Variants in PCDHAC1 observed in about 807,000 individuals in gnomAD.
PCDHAC1 encodes the protein protocadherin alpha-C1.
Under a neutral mutation model 60.0 loss-of-function variants are expected in PCDHAC1, and 42 were observed. The ratio of observed to expected loss-of-function variants is 0.70; its 90% CI spans 0.55 to 0.90. PCDHAC1 has a LOEUF of 0.90. Among genes scored for constraint, PCDHAC1 ranks in the 40% least tolerant of loss-of-function variants. PCDHAC1 has a pLI of 0.00. For synonymous variants in PCDHAC1, 468 were observed against 499.3 expected, an observed-to-expected ratio of 0.94 and a Z score of 0.84; for missense variants, 1,160 against 1,222.3, an observed-to-expected ratio of 0.95 and a Z score of 0.76.
chr5:140,959,471 C>T (rs910729465), intron 1 of PCDHAC1, among the ~76,000 whole-genome samples: 3 of 151,970 alleles, frequency 2.0e-5, no homozygotes, highest in African/African-American at 7.3e-5. Context: ...TGGCATCAAT[C>T]AAGGCATATT....
At chr5:140,949,336 A>G (rs1585327315) in intron 1 of PCDHAC1, among the ~76,000 whole-genome samples, 1 of 151,920 alleles carries the variant, frequency 6.6e-6, no homozygotes, top group South Asian at 2.1e-4. Context: ...ATTGTTATCC[A>G]GATTTTCTGT....
rs781970359 is a variant in PCDHAC1, at chr5:140,928,592, T to G, written c.1700T>G (p.Val567Gly). The change falls in exon 1 of 4, where the codon GTG (valine) becomes GGG (glycine). Residue 567 changes from valine (V) to glycine (G), a missense_variant. This residue lies in a region of PCDHAC1 where 1,113 missense variants were observed against 1,163.7 expected (regional missense o/e 0.96). Transcript: ENST00000253807. The stretch of plus-strand genomic sequence containing the variant: ...TTGCCCAGAAATGGTTCTGTCCCAG[T>G]GGAAATTGTGCCCCGCTCTGCCAGG... ...FPLPRNGSVP[V>G]EIVPRSARTG... The G allele has an allele frequency of 6.2e-7, 1 of 1,614,178 alleles. No individual in the cohort carries two copies. The highest frequency in any genetic ancestry group is 8.5e-7 in the Non-Finnish European group (1 of 1,180,010).
At chr5:140,960,508 A>C (rs1026528724) in intron 1 of PCDHAC1, among the ~76,000 whole-genome samples, 10 of 152,190 alleles carry the variant, frequency 6.6e-5, no homozygotes, top group Non-Finnish European at 1.3e-4. Context: ...TCCAAGCAGC[A>C]AACATAATGG....
intron 1 of PCDHAC1, among the ~76,000 whole-genome samples, chr5:140,964,836 T>G (rs1306843318): frequency 1.3e-5 from 2 of 152,148 alleles, no homozygotes; most frequent in African/African-American, 4.8e-5. Flanking sequence ...AATTGCTTCC[T>G]ACTCTGTACC....
rs538677309 is a variant in PCDHAC1, at chr5:140,927,177, G to T, written c.285G>T (p.Leu95Phe). ...QLCRAKAACV[L>F]TYDLVLEDPL... ...GCAGGGCCAAAGCTGCCTGCGTCTT[G>T]ACCTACGACCTGGTGCTCGAGGACC... The change falls in exon 1 of 4, where the codon TTG (leucine) becomes TTT (phenylalanine). Residue 95 changes from leucine to phenylalanine, a missense_variant. This residue lies in a region of PCDHAC1 where 1,113 missense variants were observed against 1,163.7 expected (regional missense o/e 0.96). Coordinates refer to ENST00000253807, the MANE Select transcript of PCDHAC1 (RefSeq NM_018898.5). 78 of 1,614,148 alleles carry T rather than the reference G, an allele frequency of 4.8e-5. 3 individuals carry two copies. In the East Asian group the frequency reaches 6.7e-4, roughly 14 times the overall value.
At chr5:141,001,957 G>A in intron 3 of PCDHAC1, among the ~76,000 whole-genome samples, 1 of 152,294 alleles carries the variant, frequency 6.6e-6, no homozygotes, top group African/African-American at 2.4e-5. Flanking sequence ...AGGAGGGAGA[G>A]GCGGGGTGTC....
intron 1 of PCDHAC1, among the ~76,000 whole-genome samples, chr5:140,944,227 G>A (rs1472509213): frequency 6.6e-6 from 1 of 152,046 alleles, no homozygotes; most frequent in Non-Finnish European, 1.5e-5. Flanking sequence ...TTACTCTGTC[G>A]CTCAGGCTGG....
intron 3 of PCDHAC1, among the ~76,000 whole-genome samples, chr5:140,984,073 G>A (rs1294401230): frequency 4.6e-5 from 7 of 152,222 alleles, no homozygotes; most frequent in Non-Finnish European, 7.3e-5. Context: ...CAGTGCCAAC[G>A]ATGGAGTGAA....
At chr5:140,967,784 C>T in intron 1 of PCDHAC1, 3 of 1,614,174 alleles carry the variant, frequency 1.9e-6, no homozygotes, top group South Asian at 1.1e-5. Context: ...GGCGACTGAC[C>T]GGGGTCCAGT....
intron 3 of PCDHAC1, among the ~76,000 whole-genome samples, chr5:141,006,373 G>A (rs550999366): frequency 1.1e-4 from 17 of 151,910 alleles, no homozygotes; most frequent in African/African-American, 3.1e-4. Context: ...CACCACGCCC[G>A]GCTAAGTTTT....
At chr5:140,966,789 C>T (rs782194817) in intron 1 of PCDHAC1, 3 of 1,528,688 alleles carry the variant, frequency 2.0e-6, no homozygotes, top group Non-Finnish European at 2.6e-6. Flanking sequence ...GGCACCAGAC[C>T]TGCGGCGACA....
intron 1 of PCDHAC1, among the ~76,000 whole-genome samples, chr5:140,931,907 G>T (rs573618162): frequency 6.6e-6 from 1 of 151,782 alleles, no homozygotes; most frequent in Non-Finnish European, 1.5e-5. Flanking sequence ...CATTTGAAAA[G>T]CATGACATTT....
intron 1 of PCDHAC1, among the ~76,000 whole-genome samples, chr5:140,972,660 A>ATTT (rs11350929): frequency 1.0e-4 from 12 of 117,258 alleles, no homozygotes; most frequent in Non-Finnish European, 1.7e-4. Flanking sequence ...AAGAAACCAA[A>ATTT]TTTTTTTTTT....
intron 1 of PCDHAC1, among the ~76,000 whole-genome samples, chr5:140,976,726 T>C (rs2096728998): frequency 6.6e-6 from 1 of 152,202 alleles, no homozygotes; most frequent in East Asian, 1.9e-4. Context: ...TTCATTTATT[T>C]AAACACATTT....
intron 2 of PCDHAC1, among the ~76,000 whole-genome samples, chr5:140,980,990 G>T (rs1344931215): frequency 6.6e-6 from 1 of 152,116 alleles, no homozygotes. Flanking sequence ...CACACAATTT[G>T]CTAGTAGGAT....
intron 1 of PCDHAC1, chr5:140,966,789 C>G (rs782194817): frequency 6.5e-7 from 1 of 1,528,572 alleles, no homozygotes; most frequent in East Asian, 2.4e-5. Context: ...GGCACCAGAC[C>G]TGCGGCGACA....
chr5:140,941,578 G>A (rs1007298745), intron 1 of PCDHAC1, among the ~76,000 whole-genome samples: 3 of 151,774 alleles, frequency 2.0e-5, no homozygotes, highest in Non-Finnish European at 4.4e-5. Context: ...GCCTCCCAAA[G>A]TGCTGGGATT....
At chr5:140,993,310 A>G (rs1013688133) in intron 3 of PCDHAC1, among the ~76,000 whole-genome samples, 2 of 152,038 alleles carry the variant, frequency 1.3e-5, no homozygotes, top group African/African-American at 4.8e-5. Context: ...CTCCAGGATA[A>G]TACCTTCTAA....
At chr5:141,004,378 G>A (rs914260481) in intron 3 of PCDHAC1, among the ~76,000 whole-genome samples, 3 of 152,198 alleles carry the variant, frequency 2.0e-5, no homozygotes, top group Admixed American at 6.5e-5. Context: ...TCTGCTCTGC[G>A]GAAGCTGGAC....
Sources: allele counts gnomAD v4.1 joint callset (sites outside exome capture counted in the v4.1 genomes callset), GRCh38; gene constraint gnomAD v4.1.1; regional missense constraint gnomAD v4.1.1; transcripts MANE v1.5; gene names NCBI Gene and HGNC (gene_info 2026-07-23, HGNC 2026-07-21).